Variants in BICRA observed in about 807,000 individuals in gnomAD.
BICRA encodes the protein BRD4-interacting chromatin-remodeling complex-associated protein.
Under a neutral mutation model 96.9 loss-of-function variants are expected in BICRA, and 31 were observed. The observed-to-expected ratio is 0.32, with a 90% CI of 0.24 to 0.43. The LOEUF (loss-of-function observed/expected upper bound fraction) is 0.43, where lower values mean the gene tolerates loss of function less well. Among genes scored for constraint, BICRA ranks in the 20% least tolerant of loss-of-function variants. The pLI is 1.00. For missense variants in BICRA, 2,283 were observed against 2,190.3 expected (o/e 1.04, Z -0.84); for synonymous variants, 1,350 against 1,071.8 (o/e 1.26, Z -5.07).
In BICRA at chr19:47,679,854, C is replaced by T. The variant is rs1341345546; in HGVS notation, c.684C>T (p.Ala228=). Residue 228 remains alanine (A), a synonymous_variant, in exon 6 of 15, where the codon GCC becomes GCT. Transcript: ENST00000594866. ...GCAGCCCTGGGGGTGCCACGGCGGC[C>T]ACACTGGGCCTGGCGCCCATCCAGG... ...PNGSPGGATA[A]TLGLAPIQVV... The T allele has an allele frequency of 4.0e-6, 6 of 1,498,742 alleles. No homozygotes were observed. The highest frequency in any genetic ancestry group is 2.3e-5 in the Admixed American group (1 of 43,944). The allele number at this position is 1,498,742 out of a possible 1,614,324, so 92.8% of individuals were successfully genotyped here.
At chr19:47,637,188 C>T (rs748859268) in intron 1 of BICRA, among the ~76,000 whole-genome samples, 2 of 151,938 alleles carry the variant, frequency 1.3e-5, no homozygotes, top group South Asian at 2.1e-4. Flanking sequence ...GGTGCAATCT[C>T]GGCTCACTGA....
intron 1 of BICRA, among the ~76,000 whole-genome samples, chr19:47,641,217 G>T (rs1399865443): frequency 6.6e-6 from 1 of 151,436 alleles, no homozygotes; most frequent in Non-Finnish European, 1.5e-5. Context: ...ACCGCACCTG[G>T]CCAGTTTTTT....
chr19:47,692,136 C>T (rs1437199683), intron 7 of BICRA, among the ~76,000 whole-genome samples: 11 of 152,042 alleles, frequency 7.2e-5, no homozygotes, highest in Non-Finnish European at 1.0e-4. Context: ...TCCGACTCAG[C>T]GACGCACCTG....
At chr19:47,622,477 C>G (rs1361508559) in intron 1 of BICRA, among the ~76,000 whole-genome samples, 2 of 149,966 alleles carry the variant, frequency 1.3e-5, no homozygotes, top group Non-Finnish European at 3.0e-5. Flanking sequence ...GTAATCCCAG[C>G]ACTTTGGGAG....
chr19:47,693,254 C>T (rs774655129), intron 7 of BICRA, among the ~76,000 whole-genome samples: 4 of 152,240 alleles, frequency 2.6e-5, no homozygotes, highest in Admixed American at 2.0e-4. Context: ...CAAGGTGCTC[C>T]GTCTGAGACA....
At chr19:47,657,402 T>A (rs1972634991) in intron 1 of BICRA, among the ~76,000 whole-genome samples, 2 of 151,622 alleles carry the variant, frequency 1.3e-5, no homozygotes, top group South Asian at 4.2e-4. Context: ...CTGTGAAATT[T>A]TTTTTTTTTT....
At position 47,694,375 on chromosome 19, in the gene BICRA, C is replaced by A; in HGVS notation, c.2544C>A (p.Ser848Arg). 1 of 1,283,906 alleles carries A rather than the reference C, an allele frequency of 7.8e-7. No homozygotes were observed. Among genetic ancestry groups the A allele is most frequent in the Non-Finnish European group, 1.1e-6 (1 of 904,004 alleles). The allele number at this position is 1,283,906 out of a possible 1,614,324, so 79.5% of individuals were successfully genotyped here. ...AGCTAGGCGTTCCCCCGCCTGCCAGCAACCCGGCCCCTACTGCCCCAGGCC... is the reference window on the plus strand; with the variant it reads ...AGCTAGGCGTTCCCCCGCCTGCCAGAAACCCGGCCCCTACTGCCCCAGGCC... Reference protein sequence around the residue: ...QNQLGVPPPASNPAPTAPGPP... With the variant: ...QNQLGVPPPARNPAPTAPGPP... Residue 848 changes from serine to arginine, a missense_variant, in exon 8 of 15, where the codon AGC becomes AGA. By Grantham distance (110) the Ser-to-Arg change is moderately radical (BLOSUM62 -1). Coordinates refer to ENST00000594866, the MANE Select transcript of BICRA (RefSeq NM_001394372.1).
In BICRA at chr19:47,702,643, C is replaced by A; in HGVS notation, c.*228C>A. On this transcript the variant is annotated 3_prime_UTR_variant, in exon 15 of 15. Coordinates refer to ENST00000594866, the MANE Select transcript of BICRA (RefSeq NM_001394372.1). Reference sequence around the variant, plus strand: ...CTGTGATGTAAAACGTCTCCCCTGCCAAAGGAGGGGCAAAGTGCTGTGTCA... The same window carrying A: ...CTGTGATGTAAAACGTCTCCCCTGCAAAAGGAGGGGCAAAGTGCTGTGTCA... 1 of 529,964 alleles carries A rather than the reference C, an allele frequency of 1.9e-6. No homozygotes were observed. The highest frequency in any genetic ancestry group is 3.2e-6 in the Non-Finnish European group (1 of 308,930). The allele number at this position is 529,964 out of a possible 1,614,324, so 32.8% of individuals were successfully genotyped here. A position where few individuals can be genotyped will look rare whatever the true frequency, so the allele number is the denominator to read the frequency against.
intron 2 of BICRA, among the ~76,000 whole-genome samples, chr19:47,671,780 A>G (rs1027213349): frequency 1.3e-4 from 18 of 139,352 alleles, no homozygotes; most frequent in Admixed American, 2.1e-4. Flanking sequence ...GGGCAAGTAG[A>G]TGGAAGGATG....
At position 47,685,685 on chromosome 19, in the gene BICRA, C is replaced by G. The variant is rs1403807097; in HGVS notation, c.2283+3533C>G. Among the ~76,000 whole-genome samples the G allele has an allele frequency of 2.6e-5, 4 of 151,922 alleles. No individual in the cohort carries two copies. The East Asian group carries it at 7.8e-4, about 30-fold the overall frequency. On this transcript the variant is annotated intron_variant, in intron 7 of 14. Transcript: ENST00000594866. ...GGTTCCCTTACTGTCCGAACTCCAACCCCTGCACTCGGAAGGAACTCTGTG... is the reference window on the plus strand; with the variant it reads ...GGTTCCCTTACTGTCCGAACTCCAAGCCCTGCACTCGGAAGGAACTCTGTG...
chr19:47,680,914 G>A lies in BICRA; in HGVS notation c.1744G>A (p.Val582Ile). ...GCCCGCCGGGCCGGCCGCCACCACT[G>A]TCCTCCAGGGGGTCACCCTGCCCCC... ...PAPAGPAATT[V>I]LQGVTLPPSA... Residue 582 changes from valine (V) to isoleucine (I), a missense_variant, in exon 6 of 15, where the codon GTC (valine) becomes ATC (isoleucine). By Grantham distance (29) the Val-to-Ile change is conservative (BLOSUM62 3). Transcript: ENST00000594866. The A allele has an allele frequency of 2.0e-6, 3 of 1,482,648 alleles. No homozygotes were observed. In the South Asian group the frequency reaches 4.0e-5, roughly 20 times the overall value. The allele number at this position is 1,482,648 out of a possible 1,614,324, so 91.8% of individuals were successfully genotyped here. A position where few individuals can be genotyped will look rare whatever the true frequency, so the allele number is the denominator to read the frequency against.
Position 47,699,163 on chromosome 19 carries a change from G to C in BICRA, c.3492+104G>C. On this transcript the variant is annotated intron_variant, in intron 13 of 14. Transcript: ENST00000594866. This position sits in a 1 kb window ranked among gnomAD's most constrained non-coding sequence, Gnocchi z 5.0. ...AAGGTGGAGCCTCCCGCCCCTCCTA[G>C]CCCCGGGAGGGAGGTTGGGAGGGAG... The C allele has an allele frequency of 1.0e-6, 1 of 957,242 alleles. No homozygotes were observed. Among genetic ancestry groups the C allele is most frequent in the Non-Finnish European group, 1.6e-6 (1 of 610,412 alleles). 59.3% of individuals were successfully genotyped at this position (957,242 alleles called of 1,614,324 possible).
intron 1 of BICRA, among the ~76,000 whole-genome samples, chr19:47,612,744 T>C (rs1333493053): frequency 6.6e-6 from 1 of 151,788 alleles, no homozygotes; most frequent in African/African-American, 2.4e-5. Context: ...AGGGGAAGCA[T>C]GTTCCACGGC....
chr19:47,658,439 A>C (rs998222087), intron 1 of BICRA, among the ~76,000 whole-genome samples: 1 of 151,916 alleles, frequency 6.6e-6, no homozygotes, highest in African/African-American at 2.4e-5. Context: ...TGTAATCCCA[A>C]CACTTTGGGA....
At chr19:47,632,637 G>C (rs1440672578) in intron 1 of BICRA, among the ~76,000 whole-genome samples, 1 of 152,142 alleles carries the variant, frequency 6.6e-6, no homozygotes, top group Non-Finnish European at 1.5e-5. Context: ...GCAGTTGAGG[G>C]GTCAAATAAT....
intron 2 of BICRA, among the ~76,000 whole-genome samples, chr19:47,672,992 A>G (rs1042455923): frequency 1.3e-5 from 2 of 152,016 alleles, no homozygotes; most frequent in Non-Finnish European, 1.5e-5. Context: ...GACATCTTCA[A>G]GGGTCACCCA....
At chr19:47,647,159 A>C (rs1475073610) in intron 1 of BICRA, among the ~76,000 whole-genome samples, 1 of 151,534 alleles carries the variant, frequency 6.6e-6, no homozygotes, top group Admixed American at 6.6e-5. Flanking sequence ...CATTGTATGG[A>C]TAGGCCACAT....
chr19:47,685,741 CTGTGTGTGTG>C lies in BICRA; in HGVS notation c.2283+3626_2283+3635del, dbSNP rs3074109. 1.1e-3 allele frequency among the ~76,000 whole-genome samples: 127 copies of C among 115,552 alleles called. 1 individual carries two copies. The Middle Eastern group carries it at 0.013, about 12-fold the overall frequency. The allele number at this position is 115,552 out of a possible 152,430, so 75.8% of individuals were successfully genotyped here. A position where few individuals can be genotyped will look rare whatever the true frequency, so the allele number is the denominator to read the frequency against. On this transcript the variant is annotated intron_variant, in intron 7 of 14. Coordinates refer to ENST00000594866, the MANE Select transcript of BICRA (RefSeq NM_001394372.1). ...TGTACCCAGATGGATTTGGCAGCCT[CTGTGTGTGTG>C]TGTGTGTGTGTGTGTGTGTGTGTGT...
In BICRA at chr19:47,699,190, C is replaced by T; in HGVS notation, c.3493-113C>T. Reference sequence around the variant, plus strand: ...CCCGGGAGGGAGGTTGGGAGGGAGGCGGGAGCTCCCATCACAAGGACAGTT... The same window carrying T: ...CCCGGGAGGGAGGTTGGGAGGGAGGTGGGAGCTCCCATCACAAGGACAGTT... On this transcript the variant is annotated intron_variant, in intron 13 of 14. Transcript: ENST00000594866. This position sits in a 1 kb window ranked among gnomAD's most constrained non-coding sequence, Gnocchi z 5.0. 2 of 879,288 alleles carry T rather than the reference C, an allele frequency of 2.3e-6. No homozygotes were observed. The highest frequency in any genetic ancestry group is 2.0e-5 in the Admixed American group (1 of 49,110). 54.5% of individuals were successfully genotyped at this position (879,288 alleles called of 1,614,324 possible).
Sources: gnomAD v4.1 joint callset for allele counts (sites outside exome capture counted in the v4.1 genomes callset) on GRCh38, gnomAD v4.1.1 for gene constraint, Gnocchi (gnomAD v3.1) non-coding constraint, MANE v1.5 for transcripts, NCBI Gene and HGNC (gene_info 2026-07-23, HGNC 2026-07-21) for gene names.